Variants in PARP12 observed in about 807,000 individuals in gnomAD.
PARP12 encodes poly(ADP-ribose) polymerase family member 12.
Under a neutral mutation model 72.4 loss-of-function variants are expected in PARP12, and 59 were observed. That is an observed-to-expected ratio of 0.81 (90% confidence interval 0.66 to 1.01). The LOEUF (loss-of-function observed/expected upper bound fraction) is 1.01, where lower values mean the gene tolerates loss of function less well. Ranked by LOEUF, PARP12 falls within the 50% of genes least tolerant of loss-of-function variation. PARP12 has a pLI of 0.00. For synonymous variants in PARP12, 403 were observed against 371.4 expected (o/e 1.09, Z -0.98); for missense variants, 851 against 914.0 (o/e 0.93, Z 0.89).
At position 140,035,953 on chromosome 7, in the gene PARP12, CGAGGAG is replaced by C. The variant is rs1168464370; in HGVS notation, c.1325-1628_1325-1623del. Among the ~76,000 whole-genome samples, 111 of 20,974 alleles carry C rather than the reference CGAGGAG, an allele frequency of 5.3e-3. 14 individuals carry two copies. The highest frequency in any genetic ancestry group is 0.02 in the African/African-American group (55 of 2,720). 13.8% of individuals were successfully genotyped at this position (20,974 alleles called of 152,430 possible). On this transcript the variant is annotated intron_variant, in intron 7 of 11. Transcript: ENST00000263549. ...AGGAGGAGGAGGAGGAGGAGGAGGACGAGGAGGAGGAGGAGGACGAGGAGGAGGAGG... is the reference window on the plus strand; with the variant it reads ...AGGAGGAGGAGGAGGAGGAGGAGGACGAGGAGGAGGACGAGGAGGAGGAGG...
Position 140,024,532 on chromosome 7 carries a change from G to C in PARP12, c.*28C>G. ...AAATAGCCATTTCAAGGCAGAGCAG[G>C]TGAAAGGCCTGGAACACTCCTGTGC... is the stretch of plus-strand genomic sequence containing the variant. On this transcript the variant is annotated 3_prime_UTR_variant, in exon 12 of 12. Transcript: ENST00000263549. The C allele has an allele frequency of 1.2e-6, 2 of 1,611,200 alleles. No homozygotes were observed. Among genetic ancestry groups the C allele is most frequent in the Non-Finnish European group, 1.7e-6 (2 of 1,177,640 alleles).
At position 140,024,879 on chromosome 7, in the gene PARP12, T is replaced by C. The variant is rs747737248; in HGVS notation, c.1787A>G (p.Tyr596Cys). 3 of 1,612,448 alleles carry C rather than the reference T, an allele frequency of 1.9e-6. No individual in the cohort carries two copies. Among genetic ancestry groups the C allele is most frequent in the South Asian group, 1.1e-5 (1 of 91,058 alleles). The change falls in exon 12 of 12, where the codon TAC (tyrosine) becomes TGC (cysteine). Residue 596 changes from tyrosine to cysteine, a missense_variant. By Grantham distance (194) the Tyr-to-Cys change is radical (BLOSUM62 -2). Coordinates refer to ENST00000263549, the MANE Select transcript of PARP12 (RefSeq NM_022750.4). ...GGAATATGCAGCATCTCGGGCAAAG[T>C]AGCTCCCTGAAATGACACACGAGGG... ...VHGTSYGKGS[Y>C]FARDAAYSHH...
At chr7:140,054,299 G>C (rs1367089403) in intron 4 of PARP12, among the ~76,000 whole-genome samples, 2 of 152,084 alleles carry the variant, frequency 1.3e-5, no homozygotes, top group African/African-American at 2.4e-5. Flanking sequence ...AGTTTCTAAG[G>C]GAGCTCTCAG....
chr7:140,058,325 CACAGTGAAACCCCGTCTCTACTAAA>C (rs1282217099), intron 1 of PARP12, among the ~76,000 whole-genome samples: 3 of 152,016 alleles, frequency 2.0e-5, no homozygotes, highest in Non-Finnish European at 4.4e-5. Context: ...TCCTGGCTAA[CACAGTGAAACCCCGTCTCTACTAAA>C]AATATAAAAA....
At chr7:140,037,895 C>T in intron 6 of PARP12, 39 bp from the exon 7 acceptor site, 1 of 1,586,836 alleles carries the variant, frequency 6.3e-7, no homozygotes, top group Non-Finnish European at 8.6e-7. Context: ...AGGCAAGAAA[C>T]TGCGTGATGA....
chr7:140,047,123 G>T, intron 4 of PARP12, 116 bp from the exon 5 acceptor site: 1 of 1,233,270 alleles, frequency 8.1e-7, no homozygotes. Flanking sequence ...TGAAATGTGT[G>T]GTGGAGTCTG....
chr7:140,033,401 G>A (rs1340443482), intron 8 of PARP12: 2 of 985,220 alleles, frequency 2.0e-6, no homozygotes, highest in Non-Finnish European at 2.4e-6. Flanking sequence ...ATAGACACAA[G>A]CCAGACCTCT....
intron 6 of PARP12, chr7:140,038,116 G>A (rs1231590885): frequency 1.0e-6 from 1 of 985,302 alleles, no homozygotes; most frequent in Non-Finnish European, 1.2e-6. Context: ...GGGAGCAACG[G>A]AGAGGAGGGC....
At chr7:140,041,932 T>G in intron 5 of PARP12, 93 bp from the exon 6 acceptor site, 1 of 1,092,128 alleles carries the variant, frequency 9.2e-7, no homozygotes, top group East Asian at 2.4e-5. Flanking sequence ...GAGATGCGAA[T>G]AGTAAATGTG....
At chr7:140,039,205 G>C (rs1229371277) in intron 6 of PARP12, among the ~76,000 whole-genome samples, 1 of 152,198 alleles carries the variant, frequency 6.6e-6, no homozygotes, top group East Asian at 1.9e-4. Flanking sequence ...GGGAGGAAGA[G>C]GATGTGGCAT....
chr7:140,052,853 TA>T lies in PARP12; in HGVS notation c.862+1808del, dbSNP rs1307804569. 2.0e-5 allele frequency among the ~76,000 whole-genome samples: 3 copies of T among 151,190 alleles called. No homozygotes were observed. The East Asian group carries it at 5.8e-4, about 29-fold the overall frequency. On this transcript the variant is annotated intron_variant, in intron 4 of 11. Transcript: ENST00000263549. ...CAGATGCCCCAAAAGTACATGTAAATAAAAGTTAAACATCATTAATCATCAG... is the reference window on the plus strand; with the variant it reads ...CAGATGCCCCAAAAGTACATGTAAATAAAGTTAAACATCATTAATCATCAG...
intron 10 of PARP12, 41 bp downstream of exon 10, chr7:140,027,235 G>A (rs1281426790): frequency 1.2e-6 from 2 of 1,602,660 alleles, no homozygotes; most frequent in East Asian, 4.5e-5. Context: ...TGGTGTGAAG[G>A]GACAGAGTCA....
intron 1 of PARP12, among the ~76,000 whole-genome samples, chr7:140,059,086 ACT>A: frequency 6.7e-6 from 1 of 149,478 alleles, no homozygotes; most frequent in African/African-American, 2.5e-5. Flanking sequence ...CAGGAGCGAG[ACT>A]CTGTCTCAAA....
chr7:140,036,530 C>G (rs1816203554), intron 7 of PARP12, among the ~76,000 whole-genome samples: 1 of 152,156 alleles, frequency 6.6e-6, no homozygotes, highest in Non-Finnish European at 1.5e-5. Flanking sequence ...AGCAAAACCA[C>G]AAGTGCCACG....
chr7:140,035,971 CG>C lies in PARP12; in HGVS notation c.1325-1641del. Reference sequence around the variant, plus strand: ...AGGAGGACGAGGAGGAGGAGGAGGACGAGGAGGAGGAGGAGGAGGAGGAGGA... The same window carrying C: ...AGGAGGACGAGGAGGAGGAGGAGGACAGGAGGAGGAGGAGGAGGAGGAGGA... On this transcript the variant is annotated intron_variant, in intron 7 of 11. Coordinates refer to ENST00000263549, the MANE Select transcript of PARP12 (RefSeq NM_022750.4). Among the ~76,000 whole-genome samples, 2 of 20,226 alleles carry C rather than the reference CG, an allele frequency of 9.9e-5. 1 individual carries two copies. The highest frequency in any genetic ancestry group is 1.6e-4 in the Non-Finnish European group (2 of 12,226). The allele number at this position is 20,226 out of a possible 152,430, so 13.3% of individuals were successfully genotyped here.
At chr7:140,046,229 C>T (rs1318149761) in intron 5 of PARP12, among the ~76,000 whole-genome samples, 2 of 152,180 alleles carry the variant, frequency 1.3e-5, no homozygotes, top group African/African-American at 2.4e-5. Flanking sequence ...GCAATTTGCA[C>T]GTAATTGTAC....
chr7:140,028,526 A>AGT, intron 9 of PARP12, 87 bp downstream of exon 9: 3 of 1,155,830 alleles, frequency 2.6e-6, no homozygotes, highest in Non-Finnish European at 3.6e-6. Flanking sequence ...CAGCTTCTTC[A>AGT]GTGTTGAGGA....
intron 5 of PARP12, among the ~76,000 whole-genome samples, chr7:140,044,556 T>A (rs937187599): frequency 5.9e-5 from 9 of 152,182 alleles, no homozygotes; most frequent in African/African-American, 2.2e-4. Context: ...CACCTTCAGT[T>A]TGGACTTCTA....
intron 8 of PARP12, among the ~76,000 whole-genome samples, chr7:140,030,657 AAC>A (rs538605694): frequency 5.6e-4 from 86 of 152,310 alleles, no homozygotes; most frequent in African/African-American, 2.0e-3. Flanking sequence ...ACAAACCAAA[AAC>A]AGTTTTCCAA....
Sources: gnomAD v4.1 joint callset for allele counts (sites outside exome capture counted in the v4.1 genomes callset) on GRCh38, gnomAD v4.1.1 for gene constraint, MANE v1.5 for transcripts, NCBI Gene and HGNC (gene_info 2026-07-23, HGNC 2026-07-21) for gene names.